The following GABRA3 variants were observed in gnomAD, a reference collection of about 807,000 sequenced individuals.
The protein encoded by GABRA3 is gamma-aminobutyric acid type A receptor subunit alpha3.
In GABRA3, 10 loss-of-function variants were observed where a neutral mutation model predicts 30.1. That is an observed-to-expected ratio of 0.33 (90% CI 0.20 to 0.56). GABRA3 has a LOEUF of 0.56. GABRA3 is among the 20% of genes least tolerant of loss of function. The probability of loss-of-function intolerance (pLI) is 0.89; values close to 1 mark genes in which losing one functional copy is unlikely to be tolerated. For synonymous variants in GABRA3, 151 were observed against 146.8 expected, an observed-to-expected ratio of 1.03 and a Z score of -0.21; for missense variants, 233 against 392.0, an observed-to-expected ratio of 0.59 and a Z score of 3.42.
In GABRA3 at chrX:152,171,812, T is replaced by A. The variant is rs191909171; in HGVS notation, c.1144-3249A>T. On this transcript the variant is annotated intron_variant, in intron 9 of 9. Transcript: ENST00000370314. ...CTCCAAATTTCCCAAGGAGTTTGAA[T>A]CCAGAACAGGAACGCCTTTCCTTCT... Among the ~76,000 whole-genome samples the A allele has an allele frequency of 1.1e-4, 12 of 112,198 alleles. No individual in the cohort carries two copies. The Admixed American group carries it at 1.1e-3, about 11-fold the overall frequency.
chrX:152,307,918 T>C (rs934521161), intron 3 of GABRA3, among the ~76,000 whole-genome samples: 1 of 112,417 alleles, frequency 8.9e-6, no homozygotes, highest in African/African-American at 3.2e-5. Context: ...TCTGCCTTTG[T>C]GGAGCACAGA....
intron 5 of GABRA3, among the ~76,000 whole-genome samples, chrX:152,236,379 T>G (rs1212824839): frequency 1.3e-4 from 13 of 102,221 alleles, no homozygotes; most frequent in Non-Finnish European, 2.0e-4. Flanking sequence ...CACATTTTCT[T>G]AATCCAGTCT....
At chrX:152,339,041 A>AT (rs904114214) in intron 3 of GABRA3, among the ~76,000 whole-genome samples, 23 of 106,661 alleles carry the variant, frequency 2.2e-4, no homozygotes, top group East Asian at 5.9e-4. Flanking sequence ...ACATTTAAGG[A>AT]TTTTTTTTTT....
At chrX:152,288,997 C>T (rs1432497501) in intron 3 of GABRA3, among the ~76,000 whole-genome samples, 3 of 109,582 alleles carry the variant, frequency 2.7e-5, no homozygotes, top group African/African-American at 1.0e-4. Flanking sequence ...CACATATATG[C>T]ATAACGTACA....
At chrX:152,389,880 G>A (rs997334219) in intron 1 of GABRA3, among the ~76,000 whole-genome samples, 1 of 110,119 alleles carries the variant, frequency 9.1e-6, no homozygotes, top group African/African-American at 3.3e-5. Context: ...AGAAAATTGT[G>A]ATTTTTTATA....
intron 4 of GABRA3, among the ~76,000 whole-genome samples, chrX:152,280,486 T>C (rs975631960): frequency 9.0e-6 from 1 of 111,438 alleles, no homozygotes; most frequent in Admixed American, 9.6e-5. Flanking sequence ...AAGAGATCCC[T>C]GTGCTATTCT....
At chrX:152,420,886 C>T (rs1214607276) in intron 1 of GABRA3, among the ~76,000 whole-genome samples, 1 of 110,428 alleles carries the variant, frequency 9.1e-6, no homozygotes, top group Admixed American at 9.7e-5. Flanking sequence ...GTGTCAAGGT[C>T]GGGACCAGGT....
At position 152,309,379 on chromosome X, in the gene GABRA3, G is replaced by A. The variant is rs147112734; in HGVS notation, c.263-24644C>T. ...CAACATAAAAGAAAATATATTAAAC[G>A]CAGCTAGAGAAGCTAGAGAGAAGGG... is the stretch of plus-strand genomic sequence containing the variant. On this transcript the variant is annotated intron_variant, in intron 3 of 9. Coordinates refer to ENST00000370314, the MANE Select transcript of GABRA3 (RefSeq NM_000808.4). 4.0e-3 allele frequency among the ~76,000 whole-genome samples: 443 copies of A among 110,641 alleles called. 5 individuals carry two copies. Among genetic ancestry groups the A allele is most frequent in the African/African-American group, 0.013 (409 of 30,418 alleles).
intron 3 of GABRA3, among the ~76,000 whole-genome samples, chrX:152,298,507 G>A (rs1053291083): frequency 2.7e-5 from 3 of 109,497 alleles, no homozygotes; most frequent in African/African-American, 1.0e-4. Context: ...AGTTTGCTGA[G>A]AATGATGGTT....
intron 4 of GABRA3, among the ~76,000 whole-genome samples, chrX:152,266,053 C>T (rs1343429811): frequency 9.0e-6 from 1 of 111,305 alleles, no homozygotes; most frequent in Non-Finnish European, 1.9e-5. Flanking sequence ...TTCTACCAAA[C>T]ATTTAAAGAA....
intron 2 of GABRA3, among the ~76,000 whole-genome samples, chrX:152,353,074 A>AC (rs1477186418): frequency 2.7e-5 from 3 of 111,176 alleles, no homozygotes; most frequent in African/African-American, 9.8e-5. Context: ...AAGAAAAAAA[A>AC]AAAGAAGAAG....
chrX:152,226,003 T>C (rs1245820812), intron 5 of GABRA3, among the ~76,000 whole-genome samples: 1 of 111,002 alleles, frequency 9.0e-6, no homozygotes, highest in East Asian at 2.9e-4. Flanking sequence ...CCTAATAAAA[T>C]ATCAATATAT....
chrX:152,273,433 CT>C (rs1038831937), intron 4 of GABRA3, among the ~76,000 whole-genome samples: 4 of 112,220 alleles, frequency 3.6e-5, no homozygotes, highest in Non-Finnish European at 5.6e-5. Flanking sequence ...AAATCCACTA[CT>C]GGGTACATAT....
At chrX:152,385,254 T>C (rs970380708) in intron 1 of GABRA3, among the ~76,000 whole-genome samples, 1 of 111,831 alleles carries the variant, frequency 8.9e-6, no homozygotes, top group Non-Finnish European at 1.9e-5. Context: ...CTATTTCTAC[T>C]GTTAGACATA....
intron 3 of GABRA3, among the ~76,000 whole-genome samples, chrX:152,290,958 G>T (rs1158097705): frequency 8.9e-6 from 1 of 111,749 alleles, no homozygotes; most frequent in Non-Finnish European, 1.9e-5. Context: ...GACGTCTCCA[G>T]CTTTGTTCTT....
chrX:152,368,986 TA>T (rs1021735660), intron 1 of GABRA3, among the ~76,000 whole-genome samples: 3 of 111,703 alleles, frequency 2.7e-5, no homozygotes, highest in African/African-American at 9.8e-5. Context: ...ATTACAGGCG[TA>T]AGCCACCGCG....
At chrX:152,313,695 G>T (rs1253177278) in intron 3 of GABRA3, among the ~76,000 whole-genome samples, 1 of 111,913 alleles carries the variant, frequency 8.9e-6, no homozygotes, top group East Asian at 2.8e-4. Flanking sequence ...TGCAGCGACT[G>T]CCTGAGAAAT....
intron 5 of GABRA3, among the ~76,000 whole-genome samples, chrX:152,249,898 C>G (rs963136670): frequency 3.6e-5 from 4 of 111,338 alleles, no homozygotes; most frequent in Admixed American, 1.9e-4. Flanking sequence ...TTTATTGTGG[C>G]TATACCCCAC....
At chrX:152,402,893 C>A (rs1929829728) in intron 1 of GABRA3, among the ~76,000 whole-genome samples, 1 of 111,470 alleles carries the variant, frequency 9.0e-6, no homozygotes, top group African/African-American at 3.3e-5. Flanking sequence ...TATTGTTGTC[C>A]ACTTGAAGAA....
Sources: gnomAD v4.1 joint callset for allele counts (sites outside exome capture counted in the v4.1 genomes callset) on GRCh38, gnomAD v4.1.1 for gene constraint, MANE v1.5 for transcripts, NCBI Gene and HGNC (gene_info 2026-07-23, HGNC 2026-07-21) for gene names.